CSGALNACT1: variants seen among roughly 807,000 people sequenced by gnomAD.
CSGALNACT1 encodes chondroitin sulfate N-acetylgalactosaminyltransferase 1.
A neutral mutation model predicts 51.0 loss-of-function variants in CSGALNACT1; 52 were observed. The ratio of observed to expected loss-of-function variants is 1.02; its 90% CI spans 0.82 to 1.29. The LOEUF is 1.29. Among genes scored for constraint, CSGALNACT1 ranks in the 50% most tolerant of loss-of-function variants. CSGALNACT1 has a pLI of 0.00. For synonymous variants in CSGALNACT1, 341 were observed against 254.4 expected, an observed-to-expected ratio of 1.34 and a Z score of -3.24; for missense variants, 935 against 679.2, an observed-to-expected ratio of 1.38 and a Z score of -4.19.
At chr8:19,612,957 A>G (rs1199546867) in intron 1 of CSGALNACT1, among the ~76,000 whole-genome samples, 38 of 133,536 alleles carry the variant, frequency 2.8e-4, no homozygotes, top group African/African-American at 1.1e-3. Context: ...AAAAAAAAAA[A>G]AAAAAAAAAA....
intron 3 of CSGALNACT1, among the ~76,000 whole-genome samples, chr8:19,516,904 G>A (rs144409081): frequency 6.6e-6 from 1 of 152,178 alleles, no homozygotes; most frequent in South Asian, 2.1e-4. Context: ...TTTGCTCCTG[G>A]AGTTTCCATT....
chr8:19,551,548 C>T (rs1329098980), intron 3 of CSGALNACT1, among the ~76,000 whole-genome samples: 4 of 152,228 alleles, frequency 2.6e-5, no homozygotes, highest in Non-Finnish European at 1.5e-5. Flanking sequence ...CCTGGAAGAA[C>T]CATGCTTCAG....
intron 4 of CSGALNACT1, among the ~76,000 whole-genome samples, chr8:19,467,238 G>C (rs2066915343): frequency 6.8e-6 from 1 of 147,548 alleles, no homozygotes; most frequent in Non-Finnish European, 1.5e-5. Context: ...TCCTGCCTCA[G>C]CCTCCTGAGT....
intron 1 of CSGALNACT1, among the ~76,000 whole-genome samples, chr8:19,623,152 A>C (rs886535986): frequency 3.3e-5 from 5 of 152,214 alleles, no homozygotes; most frequent in African/African-American, 1.2e-4. Context: ...AACCAAACAG[A>C]AACTGGGAAA....
chr8:19,626,945 A>G (rs1357216516), intron 1 of CSGALNACT1, among the ~76,000 whole-genome samples: 2 of 152,216 alleles, frequency 1.3e-5, no homozygotes, highest in African/African-American at 4.8e-5. Flanking sequence ...TCCCTCACAC[A>G]TTGCTGGTGG....
chr8:19,527,791 TGA>T (rs1417968903), intron 3 of CSGALNACT1, among the ~76,000 whole-genome samples: 1 of 152,046 alleles, frequency 6.6e-6, no homozygotes, highest in South Asian at 2.1e-4. Flanking sequence ...GAGGAGATTA[TGA>T]GTGTGGGCTT....
upstream of CSGALNACT1, among the ~76,000 whole-genome samples, chr8:19,604,872 G>A (rs1292113543): frequency 9.8e-5 from 14 of 143,208 alleles, no homozygotes; most frequent in African/African-American, 3.1e-4. Flanking sequence ...CCAAGATCGC[G>A]CCACTGCCCT....
intron 3 of CSGALNACT1, among the ~76,000 whole-genome samples, chr8:19,541,569 T>C (rs2085157574): frequency 7.4e-6 from 1 of 135,740 alleles, no homozygotes; most frequent in Admixed American, 7.2e-5. Context: ...TTTTTTTTTT[T>C]TTTTTTTTTT....
chr8:19,418,273 G>A (rs1368211590), intron 8 of CSGALNACT1, among the ~76,000 whole-genome samples: 2 of 152,166 alleles, frequency 1.3e-5, no homozygotes, highest in East Asian at 1.9e-4. Context: ...TCTCTGGGGT[G>A]AGCCACCCCA....
chr8:19,703,263 G>A (rs541838596), intron 1 of CSGALNACT1, among the ~76,000 whole-genome samples: 2 of 152,116 alleles, frequency 1.3e-5, no homozygotes, highest in Admixed American at 6.5e-5. Context: ...TGAGCCACTC[G>A]AAGTTGTTAC....
rs1408989426 is a variant in CSGALNACT1 at position 19,502,199 on chromosome 8, C to G, written c.634+3002G>C. Among the ~76,000 whole-genome samples, 5 of 152,270 alleles carry G rather than the reference C, an allele frequency of 3.3e-5. No individual in the cohort carries two copies. The South Asian group carries it at 1.0e-3, about 32-fold the overall frequency. ...GGTGGCTTGTCCTGCCTGGGTCACC[C>G]GGCAGGCTGGATGGCAGAGCATCTC... On this transcript the variant is annotated intron_variant, in intron 4 of 9. Coordinates refer to ENST00000454498, the Ensembl canonical transcript of CSGALNACT1.
chr8:19,619,888 A>C (rs1002770591), intron 1 of CSGALNACT1, among the ~76,000 whole-genome samples: 3 of 152,174 alleles, frequency 2.0e-5, no homozygotes, highest in African/African-American at 7.2e-5. Flanking sequence ...TGCCAGATTA[A>C]CTCGGGCTCA....
chr8:19,500,533 C>T (rs1241928013), intron 4 of CSGALNACT1, among the ~76,000 whole-genome samples: 1 of 152,174 alleles, frequency 6.6e-6, no homozygotes, highest in Non-Finnish European at 1.5e-5. Flanking sequence ...ATATTGCTCA[C>T]CAAACATGCA....
At chr8:19,488,716 T>C (rs1484413726) in intron 4 of CSGALNACT1, among the ~76,000 whole-genome samples, 1 of 152,142 alleles carries the variant, frequency 6.6e-6, no homozygotes, top group Non-Finnish European at 1.5e-5. Flanking sequence ...TATAATGACA[T>C]GTGTAAAGAC....
chr8:19,620,430 CTTT>C (rs35123924), intron 1 of CSGALNACT1, among the ~76,000 whole-genome samples: 15 of 142,116 alleles, frequency 1.1e-4, no homozygotes, highest in Admixed American at 2.1e-4. Flanking sequence ...GGAAAAGAAT[CTTT>C]TTTTTTTTTT....
chr8:19,577,868 C>A (rs1447500087), intron 3 of CSGALNACT1, among the ~76,000 whole-genome samples: 1 of 152,188 alleles, frequency 6.6e-6, no homozygotes, highest in Non-Finnish European at 1.5e-5. Context: ...GCACTCACAG[C>A]CAATGGCTGA....
At chr8:19,667,027 G>GAAAA (rs2059398048) in intron 1 of CSGALNACT1, among the ~76,000 whole-genome samples, 1 of 32,250 alleles carries the variant, frequency 3.1e-5, no homozygotes, top group African/African-American at 2.3e-4. Context: ...AAGGAAGGAA[G>GAAAA]GAAGGAAGGA....
At chr8:19,590,169 T>C (rs1477765891) in intron 3 of CSGALNACT1, among the ~76,000 whole-genome samples, 1 of 152,214 alleles carries the variant, frequency 6.6e-6, no homozygotes, top group Non-Finnish European at 1.5e-5. Flanking sequence ...AAGACACATA[T>C]TTGAGTGGCT....
Position 19,736,150 on chromosome 8 carries a change from A to G in CSGALNACT1, c.-297+21700T>C, listed in dbSNP as rs561004141. ...CTTGTCTTTTGTTTGCAATGTGTGC[A>G]CAGCAAATGTTTTAATTCATCCCAA... On this transcript the variant is annotated intron_variant, in intron 1 of 1. Transcript: ENST00000517494. 7.2e-5 allele frequency among the ~76,000 whole-genome samples: 11 copies of G among 152,344 alleles called. No individual in the cohort carries two copies. The South Asian group carries it at 1.2e-3, about 17-fold the overall frequency.
Sources: gnomAD v4.1 joint callset for allele counts (sites outside exome capture counted in the v4.1 genomes callset) on GRCh38, gnomAD v4.1.1 for gene constraint, MANE v1.5 for transcripts, NCBI Gene and HGNC (gene_info 2026-07-23, HGNC 2026-07-21) for gene names.